Variants in TJP1 observed in about 807,000 individuals in gnomAD.
TJP1 encodes tight junction protein 1.
TJP1 carries 43 observed loss-of-function variants against 194.2 expected under a neutral mutation model. The ratio of observed to expected loss-of-function variants is 0.22; its 90% CI spans 0.17 to 0.29. The LOEUF is 0.29. Ranked by LOEUF, TJP1 falls within the 10% of genes least tolerant of loss-of-function variation. The probability of loss-of-function intolerance (pLI) is 1.00; values close to 1 mark genes in which losing one functional copy is unlikely to be tolerated. For missense variants in TJP1, 1,971 were observed against 2,185.7 expected, an observed-to-expected ratio of 0.90 and a Z score of 1.96; for synonymous variants, 801 against 779.0, an observed-to-expected ratio of 1.03 and a Z score of -0.47.
At chr15:29,939,619 G>A (rs1686085017) in intron 2 of TJP1, among the ~76,000 whole-genome samples, 1 of 152,198 alleles carries the variant, frequency 6.6e-6, no homozygotes. Flanking sequence ...CACACCATGT[G>A]CTATGGTCAG....
Position 29,846,450 on chromosome 15 carries a change from A to G in TJP1, c.307-45748T>C, listed in dbSNP as rs184824444. Among the ~76,000 whole-genome samples, 700 of 152,210 alleles carry G rather than the reference A, an allele frequency of 4.6e-3. 5 individuals are homozygous for G. Among genetic ancestry groups the G allele is most frequent in the African/African-American group, 0.016 (644 of 41,520 alleles). On this transcript the variant is annotated intron_variant, in intron 2 of 28. Transcript: ENST00000356107. ...ACTTCTCTATTCACTTGCTGATTTGATATCAGGGAGTTACACACAAGAGAA... is the reference window on the plus strand; with the variant it reads ...ACTTCTCTATTCACTTGCTGATTTGGTATCAGGGAGTTACACACAAGAGAA...
At chr15:29,788,934 C>T (rs183323428) in intron 2 of TJP1, among the ~76,000 whole-genome samples, 55 of 152,216 alleles carry the variant, frequency 3.6e-4, no homozygotes, top group Non-Finnish European at 6.3e-4. Flanking sequence ...TACACTAATA[C>T]GATAAGCATC....
At chr15:29,938,677 T>C (rs1165546447) in intron 2 of TJP1, among the ~76,000 whole-genome samples, 3 of 152,206 alleles carry the variant, frequency 2.0e-5, no homozygotes, top group African/African-American at 4.8e-5. Flanking sequence ...AGTAACACCA[T>C]TCAAAATATC....
intron 2 of TJP1, among the ~76,000 whole-genome samples, chr15:29,831,975 A>G (rs2050850951): frequency 6.6e-6 from 1 of 152,186 alleles, no homozygotes; most frequent in Admixed American, 6.5e-5. Flanking sequence ...ACAGTTCTTT[A>G]TCACGCAAAT....
chr15:29,816,667 A>C (rs1369269572), intron 1 of TJP1, among the ~76,000 whole-genome samples: 1 of 152,158 alleles, frequency 6.6e-6, no homozygotes, highest in Admixed American at 6.5e-5. Flanking sequence ...ACACTGCATC[A>C]CTCACTCAAG....
intron 23 of TJP1, among the ~76,000 whole-genome samples, chr15:29,715,799 A>G (rs931279798): frequency 2.0e-5 from 3 of 152,114 alleles, no homozygotes; most frequent in African/African-American, 7.2e-5. Flanking sequence ...TCCCTTCCTG[A>G]CCAACTGCCC....
At chr15:29,857,516 C>A (rs184745371) in intron 2 of TJP1, among the ~76,000 whole-genome samples, 18 of 152,122 alleles carry the variant, frequency 1.2e-4, no homozygotes, top group Admixed American at 6.5e-4. Context: ...TTTCTTCTTG[C>A]CACATGGACA....
At chr15:29,934,147 G>C (rs1204963659) in intron 2 of TJP1, among the ~76,000 whole-genome samples, 1 of 152,182 alleles carries the variant, frequency 6.6e-6, no homozygotes, top group Non-Finnish European at 1.5e-5. Flanking sequence ...AACCAGTTAA[G>C]CACTGACATA....
At chr15:29,941,574 C>G (rs760624902) in intron 2 of TJP1, among the ~76,000 whole-genome samples, 8 of 152,272 alleles carry the variant, frequency 5.3e-5, no homozygotes, top group Admixed American at 2.6e-4. Flanking sequence ...TCCGGTCCCC[C>G]CTCTGCCCCC....
upstream of TJP1, chr15:29,822,750 A>C (rs1014663722): frequency 6.5e-6 from 1 of 152,738 alleles, no homozygotes; most frequent in Admixed American, 6.5e-5. Flanking sequence ...AGCTTTCCTT[A>C]AGAGACTTGT....
chr15:29,950,905 G>C (rs1446273482), intron 2 of TJP1, among the ~76,000 whole-genome samples: 1 of 152,178 alleles, frequency 6.6e-6, no homozygotes, highest in African/African-American at 2.4e-5. Flanking sequence ...TCTGTAAAAT[G>C]AGGCTGATGG....
intron 5 of TJP1, among the ~76,000 whole-genome samples, chr15:29,765,511 G>C (rs2046278303): frequency 6.6e-6 from 1 of 152,098 alleles, no homozygotes; most frequent in African/African-American, 2.4e-5. Context: ...AAACTTCAAA[G>C]AAGTACTGCA....
At chr15:29,831,203 TAACTC>T (rs1335509932) in intron 2 of TJP1, among the ~76,000 whole-genome samples, 7 of 152,198 alleles carry the variant, frequency 4.6e-5, no homozygotes, top group African/African-American at 2.4e-5. Flanking sequence ...GATAGCCAAA[TAACTC>T]TAATTGCTGA....
intron 2 of TJP1, among the ~76,000 whole-genome samples, chr15:29,847,939 T>C (rs1567130540): frequency 6.6e-6 from 1 of 152,254 alleles, no homozygotes; most frequent in African/African-American, 2.4e-5. Context: ...TTTTTACATT[T>C]TCTTTGAGAA....
chr15:29,928,094 C>A (rs2054580634), intron 2 of TJP1, among the ~76,000 whole-genome samples: 1 of 151,372 alleles, frequency 6.6e-6, no homozygotes, highest in Non-Finnish European at 1.5e-5. Flanking sequence ...ACCAGGCATA[C>A]AAACAGGCAA....
At chr15:29,804,101 C>T (rs1215678553) in intron 1 of TJP1, among the ~76,000 whole-genome samples, 2 of 151,778 alleles carry the variant, frequency 1.3e-5, no homozygotes, top group Non-Finnish European at 2.9e-5. Context: ...TCTCTCCATT[C>T]TCTAGCCTTT....
intron 8 of TJP1, chr15:29,758,809 T>C (rs1273159350): frequency 6.6e-6 from 1 of 152,184 alleles, no homozygotes; most frequent in African/African-American, 2.4e-5. Flanking sequence ...CATCATCAGT[T>C]ATAAGATAAG....
chr15:29,921,806 T>C (rs2054368665), intron 2 of TJP1, among the ~76,000 whole-genome samples: 1 of 152,132 alleles, frequency 6.6e-6, no homozygotes, highest in Admixed American at 6.5e-5. Context: ...GAGTCTGGCA[T>C]ATTTGCTTCA....
chr15:29,736,048 ATGTACCAGAATGGCAGTATTAT>A (rs2044012874), intron 11 of TJP1, among the ~76,000 whole-genome samples: 1 of 152,226 alleles, frequency 6.6e-6, no homozygotes, highest in East Asian at 1.9e-4. Context: ...GAATAAAAAA[ATGTACCAGAATGGCAGTATTAT>A]GGAATCTAAG....
Sources: allele counts gnomAD v4.1 joint callset (sites outside exome capture counted in the v4.1 genomes callset), GRCh38; gene constraint gnomAD v4.1.1; transcripts MANE v1.5; gene names NCBI Gene and HGNC (gene_info 2026-07-23, HGNC 2026-07-21).